ZNF521: variants seen among roughly 807,000 people sequenced by gnomAD.
The protein encoded by ZNF521 is LYST-interacting protein 3.
ZNF521 carries 14 observed loss-of-function variants against 105.5 expected under a neutral mutation model. The observed-to-expected ratio is 0.13, with a 90% CI of 0.09 to 0.21. ZNF521 has a LOEUF of 0.21. Ranked by LOEUF, ZNF521 falls within the 10% of genes least tolerant of loss-of-function variation. The pLI, the probability that ZNF521 is intolerant of heterozygous loss-of-function variation, is 1.00. For synonymous variants in ZNF521, 635 were observed against 606.0 expected (o/e 1.05, Z -0.70); for missense variants, 1,233 against 1,629.7 (o/e 0.76, Z 4.19).
At chr18:25,350,661 G>A (rs1481736840) in intron 2 of ZNF521, among the ~76,000 whole-genome samples, 1 of 134,932 alleles carries the variant, frequency 7.4e-6, no homozygotes, top group Non-Finnish European at 1.6e-5. Context: ...GGTTGTTGTT[G>A]TCTTTTCTCG....
Position 25,331,908 on chromosome 18 carries a change from TA to T in ZNF521, c.41-9722del, listed in dbSNP as rs764578401. ...TTGCTTTTTTCTTTTTTTTTTTTTT[TA>T]AATTTAGGAAATTCCTCTCCTTAAC... On this transcript the variant is annotated intron_variant, in intron 2 of 7. Transcript: ENST00000361524. Among the ~76,000 whole-genome samples, 167 of 146,832 alleles carry T rather than the reference TA, an allele frequency of 1.1e-3. 3 individuals are homozygous for T. The highest frequency in any genetic ancestry group is 3.1e-3 in the African/African-American group (124 of 40,070).
At chr18:25,337,227 A>C (rs756063257) in intron 2 of ZNF521, among the ~76,000 whole-genome samples, 2 of 152,246 alleles carry the variant, frequency 1.3e-5, no homozygotes, top group Non-Finnish European at 2.9e-5. Context: ...GAATGAAAAG[A>C]AAGATTAGGA....
At chr18:25,295,955 T>C (rs1302867588) in intron 3 of ZNF521, among the ~76,000 whole-genome samples, 1 of 152,202 alleles carries the variant, frequency 6.6e-6, no homozygotes, top group African/African-American at 2.4e-5. Flanking sequence ...ACACTTACAA[T>C]TGTCACACTT....
chr18:25,303,649 T>C (rs1185869300), intron 3 of ZNF521, among the ~76,000 whole-genome samples: 5 of 152,126 alleles, frequency 3.3e-5, no homozygotes, highest in African/African-American at 9.7e-5. Context: ...TTTCCTATTA[T>C]ATATAATTAT....
rs145730108 is a variant in ZNF521 at position 25,319,556 on chromosome 18, A to G, written c.220+2452T>C. On this transcript the variant is annotated intron_variant, in intron 3 of 7. Transcript: ENST00000361524. The stretch of plus-strand genomic sequence containing the variant: ...GGTTGCAGTGAGCAGAGATCACGCC[A>G]CTGCACTCCAGCCTGGGCAACAGAG... Among the ~76,000 whole-genome samples, 692 of 151,890 alleles carry G rather than the reference A, an allele frequency of 4.6e-3. 2 individuals carry two copies. The highest frequency in any genetic ancestry group is 7.9e-3 in the Non-Finnish European group (536 of 67,952).
chr18:25,082,622 G>T, intron 7 of ZNF521: 1 of 431,918 alleles, frequency 2.3e-6, no homozygotes, highest in South Asian at 1.7e-5. Context: ...GATTGCCTGA[G>T]CTCAGGGGTT....
intron 2 of ZNF521, among the ~76,000 whole-genome samples, chr18:25,336,476 G>A (rs768403423): frequency 6.6e-6 from 1 of 152,128 alleles, no homozygotes; most frequent in Non-Finnish European, 1.5e-5. Flanking sequence ...GAACCTAAAA[G>A]ACACCAATCC....
In ZNF521 at chr18:25,352,097, A is replaced by T. The variant is rs754505347; in HGVS notation, c.-94T>A. ...CCCAAAGCCATCAGGATGGCTCCAG[A>T]GGGGGCCCCTAACCCGCAGGGACTC... On this transcript the variant is annotated 5_prime_UTR_variant, in exon 1 of 8. Transcript: ENST00000361524. 4.1e-6 allele frequency: 2 copies of T among 484,544 alleles called. No homozygotes were observed. Among genetic ancestry groups the T allele is most frequent in the Admixed American group, 2.0e-5 (1 of 48,972 alleles). 30.0% of individuals were successfully genotyped at this position (484,544 alleles called of 1,614,324 possible).
intron 5 of ZNF521, among the ~76,000 whole-genome samples, chr18:25,140,224 A>T (rs2034821269): frequency 1.3e-5 from 2 of 152,180 alleles, no homozygotes; most frequent in South Asian, 4.1e-4. Flanking sequence ...GTCCCTTCTT[A>T]GCTTCCCTTT....
At chr18:25,295,415 TGAC>T (rs1911270698) in intron 3 of ZNF521, among the ~76,000 whole-genome samples, 1 of 152,152 alleles carries the variant, frequency 6.6e-6, no homozygotes, top group African/African-American at 2.4e-5. Flanking sequence ...CACAACAGGA[TGAC>T]TATAGTCAAA....
intron 4 of ZNF521, among the ~76,000 whole-genome samples, chr18:25,208,668 A>G (rs2036124679): frequency 1.3e-5 from 2 of 152,130 alleles, no homozygotes; most frequent in African/African-American, 4.8e-5. Context: ...CAATTTCTAG[A>G]TATTTATCAA....
intron 4 of ZNF521, among the ~76,000 whole-genome samples, chr18:25,209,157 C>T (rs1335150096): frequency 1.3e-5 from 2 of 151,500 alleles, no homozygotes; most frequent in Non-Finnish European, 2.9e-5. Flanking sequence ...TTTGAGACAG[C>T]ATCTCGCTCT....
intron 5 of ZNF521, among the ~76,000 whole-genome samples, chr18:25,170,140 A>G (rs1389439629): frequency 6.6e-6 from 1 of 151,296 alleles, no homozygotes; most frequent in Non-Finnish European, 1.5e-5. Flanking sequence ...TTTAAGGAAA[A>G]CTCACTTATC....
chr18:25,091,977 T>C lies in ZNF521; in HGVS notation c.3763A>G (p.Thr1255Ala). ...GTAAAGCAGACTGGACACTTGAAGGTGCCTCCCATCCCTTCGAAGCTGTGC... is the reference window on the plus strand; with the variant it reads ...GTAAAGCAGACTGGACACTTGAAGGCGCCTCCCATCCCTTCGAAGCTGTGC... ...IEHSFEGMGG[T>A]FKCPVCFTVF... The change falls in exon 6 of 8, where the codon ACC becomes GCC. Residue 1255 changes from threonine (T) to alanine (A), a missense_variant. Physicochemically the swap from Thr to Ala is moderately conservative, Grantham distance 58. Coordinates refer to ENST00000361524, the MANE Select transcript of ZNF521 (RefSeq NM_015461.3). The C allele has an allele frequency of 6.2e-7, 1 of 1,613,924 alleles. No individual in the cohort carries two copies. The highest frequency in any genetic ancestry group is 8.5e-7 in the Non-Finnish European group (1 of 1,179,864).
At chr18:25,338,169 G>A (rs755940830) in intron 2 of ZNF521, among the ~76,000 whole-genome samples, 4 of 151,840 alleles carry the variant, frequency 2.6e-5, no homozygotes, top group African/African-American at 4.8e-5. Context: ...ATAATCGGCC[G>A]TCCAGAGTAC....
At chr18:25,312,206 G>A (rs1433973707) in intron 3 of ZNF521, among the ~76,000 whole-genome samples, 2 of 152,060 alleles carry the variant, frequency 1.3e-5, no homozygotes, top group African/African-American at 4.8e-5. Flanking sequence ...TAATGTAATA[G>A]ATCATCACTT....
At chr18:25,256,028 T>C (rs1285579160) in intron 3 of ZNF521, among the ~76,000 whole-genome samples, 3 of 147,950 alleles carry the variant, frequency 2.0e-5, no homozygotes, top group African/African-American at 7.4e-5. Context: ...ATGGTATATA[T>C]ATGGTATATA....
chr18:25,317,769 A>G (rs1452922627), intron 3 of ZNF521, among the ~76,000 whole-genome samples: 1 of 152,234 alleles, frequency 6.6e-6, no homozygotes, highest in Non-Finnish European at 1.5e-5. Context: ...ATGAGCTAGA[A>G]AATCCACAAA....
intron 3 of ZNF521, among the ~76,000 whole-genome samples, chr18:25,242,168 T>G (rs1907383027): frequency 1.3e-5 from 2 of 152,170 alleles, no homozygotes; most frequent in Admixed American, 1.3e-4. Flanking sequence ...CAAGGAGCAA[T>G]TTGGAGGAAT....
Sources: allele counts gnomAD v4.1 joint callset (sites outside exome capture counted in the v4.1 genomes callset), GRCh38; gene constraint gnomAD v4.1.1; transcripts MANE v1.5; gene names NCBI Gene and HGNC (gene_info 2026-07-23, HGNC 2026-07-21).